CFP: variants seen among roughly 807,000 people sequenced by gnomAD.
CFP encodes complement factor properdin, also known as properdin.
In CFP, 14 loss-of-function variants were observed where a neutral mutation model predicts 42.1. The ratio of observed to expected loss-of-function variants is 0.33; its 90% CI spans 0.22 to 0.52. The LOEUF is 0.52. Among genes scored for constraint, CFP ranks in the 20% least tolerant of loss-of-function variants. The pLI is 0.96. For missense variants in CFP, 318 were observed against 400.4 expected (o/e 0.79, Z 1.76); for synonymous variants, 149 against 160.6 (o/e 0.93, Z 0.54).
chrX:47,628,358 C>T (rs766161629), intron 2 of CFP, 81 bp from the exon 3 acceptor site: 12 of 1,004,701 alleles, frequency 1.2e-5, no homozygotes, highest in Admixed American at 7.8e-5. Flanking sequence ...TGGGCAGACA[C>T]GAAGGGTTGC....
intron 2 of CFP, 38 bp downstream of exon 2, chrX:47,629,486 T>TAC: frequency 1.5e-6 from 1 of 669,644 alleles, no homozygotes; most frequent in Non-Finnish European, 2.3e-6. Context: ...AGACAGTCCT[T>TAC]CCCTCCCCCC....
chrX:47,629,490 T>TTC, intron 2 of CFP, 34 bp downstream of exon 2: 3 of 375,005 alleles, frequency 8.0e-6, no homozygotes, highest in Admixed American at 8.2e-5. Context: ...AGTCCTTCCC[T>TTC]CCCCCCCATC....
chrX:47,629,850 G>A lies in CFP; in HGVS notation c.-6C>T, dbSNP rs1289753360. ...TGCGCTCCCTCTGTGATCATGTTGAGTACTGCCCCCTGCACCTCTACCAGA... is the reference window on the plus strand; with the variant it reads ...TGCGCTCCCTCTGTGATCATGTTGAATACTGCCCCCTGCACCTCTACCAGA... On this transcript the variant is annotated 5_prime_UTR_variant, in exon 1 of 9. Coordinates refer to ENST00000396992, the MANE Select transcript of CFP (RefSeq NM_001145252.3). 2.6e-6 allele frequency: 3 copies of A among 1,166,336 alleles called. No individual in the cohort carries two copies. The highest frequency in any genetic ancestry group is 3.8e-5 in the South Asian group (2 of 52,694).
intron 8 of CFP, 71 bp from the exon 9 acceptor site, chrX:47,624,511 T>C (rs1319502095): frequency 3.0e-5 from 30 of 1,001,248 alleles, no homozygotes; most frequent in Non-Finnish European, 3.6e-5. Flanking sequence ...TCAATTCTTA[T>C]TGAGTGCCTG....
intron 8 of CFP, 57 bp downstream of exon 8, chrX:47,626,001 C>T: frequency 9.9e-7 from 1 of 1,014,150 alleles, no homozygotes; most frequent in Non-Finnish European, 1.4e-6. Context: ...GGGTAGCCGA[C>T]TCTCCCGCCT....
chrX:47,627,061 G>C (rs767296558), intron 5 of CFP, 80 bp downstream of exon 5: 45 of 1,161,449 alleles, frequency 3.9e-5, no homozygotes, highest in Admixed American at 1.4e-4. Context: ...ACATGGCCTA[G>C]GAACTCTAGA....
At chrX:47,625,966 C>A in intron 8 of CFP, 92 bp downstream of exon 8, 1 of 710,179 alleles carries the variant, frequency 1.4e-6, no homozygotes, top group Non-Finnish European at 2.2e-6. Flanking sequence ...ACCTTAGATT[C>A]AGCAGTGGAA....
intron 2 of CFP, chrX:47,628,949 T>G: frequency 6.2e-6 from 1 of 161,948 alleles, no homozygotes; most frequent in East Asian, 1.5e-4. Context: ...AACCCTGCCA[T>G]GCAGCTGGTA....
At chrX:47,629,456 C>T in intron 2 of CFP, 68 bp downstream of exon 2, 1 of 930,065 alleles carries the variant, frequency 1.1e-6, no homozygotes, top group Non-Finnish European at 1.5e-6. Flanking sequence ...AGAAAGTGCC[C>T]AGTTTTGGGT....
chrX:47,625,260 AT>A (rs1298236538), intron 8 of CFP: 2 of 110,888 alleles, frequency 1.8e-5, no homozygotes, highest in Non-Finnish European at 3.8e-5. Flanking sequence ...AACACCTCTA[AT>A]CTTCAGGCCC....
rs1339029814 is a variant in CFP at position 47,624,203 on chromosome X, G to T, written c.*72C>A. ...GTTGTTTTTCCTCCTTTAAGGAATC[G>T]TAGACGAACTCGAAGAGGCTAGTTT... On this transcript the variant is annotated 3_prime_UTR_variant, in exon 9 of 9. Transcript: ENST00000396992. 11 of 1,122,079 alleles carry T rather than the reference G, an allele frequency of 9.8e-6. No individual in the cohort carries two copies. The highest frequency in any genetic ancestry group is 1.8e-5 in the South Asian group (1 of 54,949). The allele number at this position is 1,122,079 out of a possible 1,213,427, so 92.5% of individuals were successfully genotyped here.
intron 3 of CFP, 21 bp downstream of exon 3, chrX:47,628,081 C>T (rs373099034): frequency 1.3e-5 from 16 of 1,208,014 alleles, no homozygotes; most frequent in Middle Eastern, 2.6e-4. Context: ...AGTGCTTGCC[C>T]GCCTTGCTCA....
Position 47,629,700 on chromosome X carries a change from G to A in CFP, c.77-26C>T, listed in dbSNP as rs1257789432. 2.6e-6 allele frequency: 3 copies of A among 1,162,533 alleles called. No individual in the cohort carries two copies. The South Asian group carries it at 5.7e-5, about 22-fold the overall frequency. On this transcript the variant is annotated intron_variant, in intron 1 of 8. Transcript: ENST00000396992. ...CTGTAACAGGGCCAGGGGATGGGTG[G>A]GTGGGGCTCGGTCAGGGATGTGGTG...
At chrX:47,624,515 G>A in intron 8 of CFP, 75 bp from the exon 9 acceptor site, 9 of 797,216 alleles carry the variant, frequency 1.1e-5, no homozygotes, top group South Asian at 2.6e-5. Context: ...TTCTTATTGA[G>A]TGCCTGCTAT....
intron 2 of CFP, 102 bp downstream of exon 2, chrX:47,629,422 G>A (rs2057981520): frequency 4.6e-6 from 3 of 658,311 alleles, no homozygotes; most frequent in Admixed American, 2.9e-5. Context: ...GGGCCTCAGG[G>A]CCACCCTTGG....
chrX:47,629,653 A>G lies in CFP; in HGVS notation c.98T>C (p.Phe33Ser), dbSNP rs1404881125. Reference protein sequence around the residue: ...PATGSDPVLCFTQYEESSGKC... With the variant: ...PATGSDPVLCSTQYEESSGKC... ...GCCGGAGGATTCTTCATACTGGGTG[A>G]AGCAGAGCACGGGGTCTGAGCCTGT... The change falls in exon 2 of 9, where the codon TTC becomes TCC. Residue 33 changes from phenylalanine (F) to serine (S), a missense_variant. Physicochemically the swap from Phe to Ser is radical, Grantham distance 155. Transcript: ENST00000396992. The G allele has an allele frequency of 8.6e-7, 1 of 1,168,893 alleles. No individual in the cohort carries two copies. The highest frequency in any genetic ancestry group is 1.1e-6 in the Non-Finnish European group (1 of 872,510).
intron 3 of CFP, 34 bp from the exon 4 acceptor site, chrX:47,627,675 G>A (rs1214151275): frequency 8.7e-7 from 1 of 1,152,906 alleles, no homozygotes; most frequent in Admixed American, 2.4e-5. Flanking sequence ...TGGGATGGAG[G>A]TGGGGTGTCA....
chrX:47,629,404 C>T, intron 2 of CFP, 120 bp downstream of exon 2: 4 of 545,334 alleles, frequency 7.3e-6, no homozygotes, highest in Non-Finnish European at 9.0e-6. Context: ...GAGGTATGGT[C>T]ACGATCAGGG....
At chrX:47,630,154 T>G (rs2057985607), upstream of CFP, 1 of 343,300 alleles carries the variant, frequency 2.9e-6, no homozygotes. Context: ...CATAGGAGCG[T>G]GCAGCAACTT....
Sources: gnomAD v4.1 joint callset for allele counts on GRCh38, gnomAD v4.1.1 for gene constraint, MANE v1.5 for transcripts, NCBI Gene and HGNC (gene_info 2026-07-23, HGNC 2026-07-21) for gene names.